The following PCDH15 variants were observed in gnomAD, a reference collection of about 807,000 sequenced individuals.
PCDH15 encodes the protein protocadherin-15.
Under a neutral mutation model 178.5 loss-of-function variants are expected in PCDH15, and 129 were observed. The ratio of observed to expected loss-of-function variants is 0.72; its 90% CI spans 0.63 to 0.84. PCDH15 has a LOEUF of 0.84. PCDH15 is among the 40% of genes least tolerant of loss of function. PCDH15 has a pLI of 0.00. For missense variants in PCDH15, 2,230 were observed against 2,099.9 expected, an observed-to-expected ratio of 1.06 and a Z score of -1.21; for synonymous variants, 800 against 732.0, an observed-to-expected ratio of 1.09 and a Z score of -1.50.
chr10:55,527,898 A>G (rs1434948299), intron 2 of PCDH15, among the ~76,000 whole-genome samples: 1 of 152,052 alleles, frequency 6.6e-6, no homozygotes, highest in East Asian at 1.9e-4. Flanking sequence ...TTGCTTCTTT[A>G]TAAAACCAAG....
intron 2 of PCDH15, among the ~76,000 whole-genome samples, chr10:55,334,560 G>A (rs565870130): frequency 6.6e-6 from 1 of 151,936 alleles, no homozygotes; most frequent in South Asian, 2.1e-4. Context: ...GCCTGCCTCA[G>A]CTTCCCAAAG....
At position 54,841,185 on chromosome 10, in the gene PCDH15, A is replaced by G. The variant is rs566431026; in HGVS notation, c.-29+56265T>C. Among the ~76,000 whole-genome samples the G allele has an allele frequency of 3.9e-5, 6 of 151,996 alleles. No individual in the cohort carries two copies. In the South Asian group the frequency reaches 1.2e-3, roughly 31 times the overall value. Reference sequence around the variant, plus strand: ...ATATTGGACCATAAAACAAGTCTCAACAAATTTTAAAAGACAGAAATTATA... The same window carrying G: ...ATATTGGACCATAAAACAAGTCTCAGCAAATTTTAAAAGACAGAAATTATA... On this transcript the variant is annotated intron_variant, in intron 3 of 5. Transcript: ENST00000458638.
chr10:55,067,610 G>A (rs1396220616), intron 2 of PCDH15, among the ~76,000 whole-genome samples: 4 of 149,622 alleles, frequency 2.7e-5, no homozygotes, highest in Admixed American at 6.8e-5. Context: ...ACCCAGTAGC[G>A]GAATTGCTGG....
chr10:55,498,105 T>C (rs182686100), intron 2 of PCDH15, among the ~76,000 whole-genome samples: 188 of 151,964 alleles, frequency 1.2e-3, no homozygotes, highest in African/African-American at 4.3e-3. Context: ...GACTGGGCAA[T>C]TGAAGAATGC....
intron 2 of PCDH15, among the ~76,000 whole-genome samples, chr10:54,916,206 C>G (rs948049081): frequency 6.6e-6 from 1 of 152,112 alleles, no homozygotes; most frequent in Non-Finnish European, 1.5e-5. Context: ...CCTGACCACC[C>G]ACCTCAGCCT....
intron 26 of PCDH15, among the ~76,000 whole-genome samples, chr10:53,890,582 G>C (rs922538259): frequency 5.9e-5 from 9 of 152,182 alleles, no homozygotes; most frequent in Non-Finnish European, 1.0e-4. Flanking sequence ...TAAATGTCTA[G>C]GGGGAGAAAT....
At chr10:54,418,517 A>G (rs1169436192) in intron 3 of PCDH15, among the ~76,000 whole-genome samples, 9 of 152,042 alleles carry the variant, frequency 5.9e-5, no homozygotes, top group African/African-American at 2.2e-4. Context: ...TTTGTAGTGT[A>G]AGTAAAATTA....
At chr10:54,000,301 C>T (rs2092069254) in intron 20 of PCDH15, among the ~76,000 whole-genome samples, 1 of 152,096 alleles carries the variant, frequency 6.6e-6, no homozygotes, top group African/African-American at 2.4e-5. Context: ...GCATCAATAT[C>T]ATCCAGGAAA....
intron 1 of PCDH15, among the ~76,000 whole-genome samples, chr10:54,667,368 G>T (rs149639560): frequency 4.6e-5 from 7 of 151,970 alleles, no homozygotes; most frequent in South Asian, 2.1e-4. Context: ...TAATGAAAAG[G>T]TACCTCCCAC....
intron 3 of PCDH15, among the ~76,000 whole-genome samples, chr10:54,890,854 T>A (rs1269483642): frequency 1.3e-5 from 2 of 152,088 alleles, no homozygotes; most frequent in African/African-American, 4.8e-5. Context: ...CATCTAGACC[T>A]AAAGTTGTCC....
chr10:53,913,240 G>A lies in PCDH15; in HGVS notation c.3374-9870C>T, dbSNP rs143937028. Among the ~76,000 whole-genome samples, 325 of 152,276 alleles carry A rather than the reference G, an allele frequency of 2.1e-3. 1 individual carries two copies. The highest frequency in any genetic ancestry group is 3.4e-3 in the Admixed American group (52 of 15,302). ...TGCTGGGAAAAGTGGCTAGCCATAT[G>A]TAGAAAGCTGAAACTGGATCCCTTC... On this transcript the variant is annotated intron_variant, in intron 25 of 37. Coordinates refer to ENST00000644397, the MANE Select transcript of PCDH15 (RefSeq NM_001384140.1).
intron 18 of PCDH15, among the ~76,000 whole-genome samples, chr10:54,032,410 AC>A (rs2093319353): frequency 6.6e-6 from 1 of 151,978 alleles, no homozygotes; most frequent in Non-Finnish European, 1.5e-5. Flanking sequence ...TTTATATCAT[AC>A]AATGCCTGCT....
chr10:54,041,345 TC>T (rs2093539638), intron 18 of PCDH15, among the ~76,000 whole-genome samples: 1 of 152,116 alleles, frequency 6.6e-6, no homozygotes, highest in Non-Finnish European at 1.5e-5. Flanking sequence ...CATGTTTTCA[TC>T]CATCAATTCA....
At chr10:54,350,741 G>T (rs1029765991) in intron 5 of PCDH15, among the ~76,000 whole-genome samples, 1 of 152,200 alleles carries the variant, frequency 6.6e-6, no homozygotes, top group Admixed American at 6.5e-5. Context: ...CCAGCACTTT[G>T]GGAGGCTGAG....
intron 2 of PCDH15, among the ~76,000 whole-genome samples, chr10:55,046,977 GTTGTTC>G (rs528618110): frequency 1.3e-5 from 2 of 151,864 alleles, no homozygotes; most frequent in Non-Finnish European, 2.9e-5. Flanking sequence ...TATATTCAAT[GTTGTTC>G]TTGTTAGTAA....
chr10:54,474,747 G>A (rs1031555468), intron 3 of PCDH15, among the ~76,000 whole-genome samples: 6 of 151,918 alleles, frequency 3.9e-5, no homozygotes, highest in Admixed American at 6.6e-5. Context: ...AATGTCACAT[G>A]ACTGAAATCC....
intron 1 of PCDH15, among the ~76,000 whole-genome samples, chr10:54,705,369 T>C (rs2095355348): frequency 6.6e-6 from 1 of 152,102 alleles, no homozygotes; most frequent in Admixed American, 6.6e-5. Flanking sequence ...AGAACTGTCA[T>C]TTGAATGTGG....
intron 3 of PCDH15, among the ~76,000 whole-genome samples, chr10:54,514,396 A>G (rs1347737293): frequency 1.3e-5 from 2 of 152,104 alleles, no homozygotes; most frequent in African/African-American, 4.8e-5. Flanking sequence ...ATATAAAGTT[A>G]GCAATTTAGG....
chr10:54,392,322 T>C (rs566980970), intron 3 of PCDH15, among the ~76,000 whole-genome samples: 64 of 150,668 alleles, frequency 4.2e-4, no homozygotes, highest in Non-Finnish European at 7.7e-4. Flanking sequence ...AAAAATTTGG[T>C]AGGCATGGTG....
Sources: gnomAD v4.1 joint callset for allele counts (sites outside exome capture counted in the v4.1 genomes callset) on GRCh38, gnomAD v4.1.1 for gene constraint, MANE v1.5 for transcripts, NCBI Gene and HGNC (gene_info 2026-07-23, HGNC 2026-07-21) for gene names.